The following COLEC11 variants were observed in gnomAD, a reference collection of about 807,000 sequenced individuals.
COLEC11 encodes the protein collectin subfamily member 11, also known as collectin-11.
A neutral mutation model predicts 27.3 loss-of-function variants in COLEC11; 20 were observed. The observed-to-expected ratio is 0.73, with a 90% CI of 0.51 to 1.06. The LOEUF is 1.06. Among genes scored for constraint, COLEC11 ranks in the 50% least tolerant of loss-of-function variants. COLEC11 has a pLI of 0.00. For missense variants in COLEC11, 310 were observed against 383.0 expected (o/e 0.81, Z 1.59); for synonymous variants, 163 against 154.7 (o/e 1.05, Z -0.40).
At chr2:3,618,407 T>A (rs941823097) in intron 3 of COLEC11, among the ~76,000 whole-genome samples, 1 of 152,238 alleles carries the variant, frequency 6.6e-6, no homozygotes, top group African/African-American at 2.4e-5. Flanking sequence ...TTTTTTTGCA[T>A]GTGAATATTC....
intron 5 of COLEC11, chr2:3,641,098 C>T (rs1665827572): frequency 4.8e-6 from 2 of 416,312 alleles, no homozygotes; most frequent in African/African-American, 2.3e-5. Flanking sequence ...ACCATGTAGA[C>T]CCCACGGTGG....
intron 1 of COLEC11, chr2:3,603,610 C>T (rs1190629663): frequency 1.3e-6 from 2 of 1,550,540 alleles, no homozygotes; most frequent in African/African-American, 2.7e-5. Context: ...AGCCACTGCG[C>T]CTGGTCTTGT....
intron 3 of COLEC11, among the ~76,000 whole-genome samples, chr2:3,632,841 C>T (rs1014964280): frequency 2.0e-5 from 3 of 152,262 alleles, no homozygotes; most frequent in East Asian, 1.9e-4. Flanking sequence ...CGTCAGAGCA[C>T]GGGAAAGAAA....
chr2:3,636,542 A>G (rs970594984), intron 3 of COLEC11, among the ~76,000 whole-genome samples: 1 of 152,238 alleles, frequency 6.6e-6, no homozygotes, highest in African/African-American at 2.4e-5. Flanking sequence ...AGTTCCTGCA[A>G]TGGTGGGTTA....
At chr2:3,613,503 CAGGG>C in intron 3 of COLEC11, 121 bp downstream of exon 3, 1 of 1,017,006 alleles carries the variant, frequency 9.8e-7, no homozygotes, top group Non-Finnish European at 1.5e-6. Context: ...CTCTGGGTCC[CAGGG>C]AGGCAGACGG....
chr2:3,634,581 C>T (rs1250322271), intron 3 of COLEC11, among the ~76,000 whole-genome samples: 1 of 152,186 alleles, frequency 6.6e-6, no homozygotes, highest in East Asian at 1.9e-4. Flanking sequence ...CTGTTTGTTC[C>T]AGTTGCCCTT....
intron 3 of COLEC11, among the ~76,000 whole-genome samples, chr2:3,618,375 A>G (rs1663937710): frequency 6.6e-6 from 1 of 152,092 alleles, no homozygotes; most frequent in Non-Finnish European, 1.5e-5. Flanking sequence ...TATGTATGGT[A>G]TAAGACAAGG....
At chr2:3,615,809 GCCCCCCACC>G (rs1663642014) in intron 3 of COLEC11, among the ~76,000 whole-genome samples, 2 of 25,434 alleles carry the variant, frequency 7.9e-5, no homozygotes, top group Non-Finnish European at 2.2e-4. Flanking sequence ...GGCAGGGGCT[GCCCCCCACC>G]TCCCTCCCGG....
rs1666115981 is a variant in COLEC11 at position 3,644,365 on chromosome 2, G to A, written c.*247G>A. ...TGTATTGTAGCCCCAATGTCATTAT[G>A]TAATTATTACCCAGAATTGCTCTTC... On this transcript the variant is annotated 3_prime_UTR_variant, in exon 7 of 7. Coordinates refer to ENST00000349077, the MANE Select transcript of COLEC11 (RefSeq NM_024027.5). 1 of 673,540 alleles carries A rather than the reference G, an allele frequency of 1.5e-6. No individual in the cohort carries two copies. The highest frequency in any genetic ancestry group is 1.8e-5 in the African/African-American group (1 of 56,808). 41.7% of individuals were successfully genotyped at this position (673,540 alleles called of 1,614,324 possible).
intron 1 of COLEC11, among the ~76,000 whole-genome samples, chr2:3,597,535 T>C (rs1661935481): frequency 6.6e-6 from 1 of 152,230 alleles, no homozygotes; most frequent in Non-Finnish European, 1.5e-5. Context: ...AGACGGAGCC[T>C]GATCTTTGTT....
intron 5 of COLEC11, among the ~76,000 whole-genome samples, 175 bp downstream of exon 5, chr2:3,640,506 C>G (rs1284750987): frequency 8.0e-6 from 1 of 125,692 alleles, no homozygotes; most frequent in Non-Finnish European, 1.7e-5. Flanking sequence ...CCGTCACATC[C>G]CACGGTGGAC....
At chr2:3,643,252 C>T (rs1241385058) in intron 5 of COLEC11, among the ~76,000 whole-genome samples, 192 bp from the exon 6 acceptor site, 1 of 152,248 alleles carries the variant, frequency 6.6e-6, no homozygotes, top group African/African-American at 2.4e-5. Flanking sequence ...TCTGCCCTCC[C>T]TCCACTCCTG....
At chr2:3,625,165 C>T (rs144069348) in intron 3 of COLEC11, among the ~76,000 whole-genome samples, 194 of 152,322 alleles carry the variant, frequency 1.3e-3, no homozygotes, top group African/African-American at 4.4e-3. Flanking sequence ...TGAGGAATTC[C>T]CTTCTCCCTC....
At chr2:3,616,938 A>G (rs1249581755) in intron 3 of COLEC11, among the ~76,000 whole-genome samples, 2 of 152,202 alleles carry the variant, frequency 1.3e-5, no homozygotes, top group Non-Finnish European at 2.9e-5. Flanking sequence ...ATTCCGTTAT[A>G]TATGTGCCAT....
intron 1 of COLEC11, among the ~76,000 whole-genome samples, chr2:3,598,737 G>T (rs1240022936): frequency 2.0e-5 from 3 of 152,072 alleles, no homozygotes; most frequent in Admixed American, 6.5e-5. Context: ...TGGAGAGGAG[G>T]CTGGAGGCGG....
Position 3,640,301 on chromosome 2 carries a change from A to C in COLEC11, c.298A>C (p.Ile100Leu). 6.2e-7 allele frequency: 1 copy of C among 1,603,382 alleles called. No homozygotes were observed. Among genetic ancestry groups the C allele is most frequent in the Non-Finnish European group, 8.5e-7 (1 of 1,170,320 alleles). ...SKGEKGDSGD[I>L]GPPGPNGEPG... Reference sequence around the variant, plus strand: ...AGGTGAGAAAGGAGATTCCGGTGACATAGGACCCCCTGGTCCTAATGGAGA... The same window carrying C: ...AGGTGAGAAAGGAGATTCCGGTGACCTAGGACCCCCTGGTCCTAATGGAGA... Residue 100 changes from isoleucine (I) to leucine (L), a missense_variant, in exon 5 of 7, where the codon ATA becomes CTA. Coordinates refer to ENST00000349077, the MANE Select transcript of COLEC11 (RefSeq NM_024027.5).
chr2:3,626,648 C>G (rs1358273037), intron 3 of COLEC11, among the ~76,000 whole-genome samples: 1 of 152,232 alleles, frequency 6.6e-6, no homozygotes, highest in African/African-American at 2.4e-5. Context: ...AACCAACTGA[C>G]ATTCTTTCTG....
rs368859733 is a variant in COLEC11 at position 3,625,778 on chromosome 2, G to T, written c.203-11755G>T. Among the ~76,000 whole-genome samples, 4 of 151,678 alleles carry T rather than the reference G, an allele frequency of 2.6e-5. No individual in the cohort carries two copies. In the South Asian group the frequency reaches 8.4e-4, roughly 32 times the overall value. On this transcript the variant is annotated intron_variant, in intron 3 of 6. Transcript: ENST00000349077. The stretch of plus-strand genomic sequence containing the variant: ...CTCCTGAGTATCTGGGATTACAGGC[G>T]CCCACCACCACGCCCGGCTAATTTT...
chr2:3,612,100 T>C (rs895363104), intron 2 of COLEC11, among the ~76,000 whole-genome samples: 10 of 152,142 alleles, frequency 6.6e-5, no homozygotes, highest in African/African-American at 2.2e-4. Flanking sequence ...TGGAGAGTTA[T>C]AGAGAAGTAA....
Sources: gnomAD v4.1 joint callset for allele counts (sites outside exome capture counted in the v4.1 genomes callset) on GRCh38, gnomAD v4.1.1 for gene constraint, MANE v1.5 for transcripts, NCBI Gene and HGNC (gene_info 2026-07-23, HGNC 2026-07-21) for gene names.